TRIM2: variants seen among roughly 807,000 people sequenced by gnomAD.
TRIM2 encodes the protein tripartite motif containing 2, also known as tripartite motif-containing protein 2.
Under a neutral mutation model 75.2 loss-of-function variants are expected in TRIM2, and 20 were observed. The observed-to-expected ratio is 0.27, with a 90% CI of 0.19 to 0.39. The LOEUF (loss-of-function observed/expected upper bound fraction) is 0.39, where lower values mean the gene tolerates loss of function less well. TRIM2 is among the 10% of genes least tolerant of loss of function. TRIM2 has a pLI of 1.00. For synonymous variants in TRIM2, 373 were observed against 388.3 expected (o/e 0.96, Z 0.46); for missense variants, 660 against 990.8 (o/e 0.67, Z 4.48).
intron 1 of TRIM2, among the ~76,000 whole-genome samples, chr4:153,253,827 G>T (rs962651538): frequency 1.3e-5 from 2 of 152,216 alleles, no homozygotes; most frequent in Non-Finnish European, 2.9e-5. Flanking sequence ...CGAGAAAGGG[G>T]AGGCATGAAT....
At chr4:153,198,132 A>T (rs1391519604) in intron 1 of TRIM2, among the ~76,000 whole-genome samples, 1 of 152,224 alleles carries the variant, frequency 6.6e-6, no homozygotes, top group Non-Finnish European at 1.5e-5. Flanking sequence ...TTATTTTAAA[A>T]AAGAAATTAA....
chr4:153,262,470 T>C (rs1019382941), intron 1 of TRIM2, among the ~76,000 whole-genome samples: 3 of 152,214 alleles, frequency 2.0e-5, no homozygotes, highest in Non-Finnish European at 2.9e-5. Context: ...GAATACAGGG[T>C]CTGAAAAATA....
intron 1 of TRIM2, chr4:153,156,707 C>T (rs1352665623): frequency 6.6e-6 from 1 of 152,282 alleles, no homozygotes; most frequent in Non-Finnish European, 1.5e-5. Flanking sequence ...TCTTGAATTT[C>T]CCTCTAGCCT....
intron 1 of TRIM2, among the ~76,000 whole-genome samples, chr4:153,181,069 TG>T (rs1732009240): frequency 6.6e-6 from 1 of 152,176 alleles, no homozygotes; most frequent in Non-Finnish European, 1.5e-5. Flanking sequence ...GGTGGGTGTT[TG>T]TAATTCCAAT....
chr4:153,241,676 G>A (rs1034937275), intron 1 of TRIM2, among the ~76,000 whole-genome samples: 11 of 152,168 alleles, frequency 7.2e-5, no homozygotes, highest in Admixed American at 7.2e-4. Flanking sequence ...CATTAAGAGC[G>A]CCTCGTTGCT....
At chr4:153,287,777 GT>G (rs991319470) in intron 3 of TRIM2, among the ~76,000 whole-genome samples, 2 of 152,138 alleles carry the variant, frequency 1.3e-5, no homozygotes, top group African/African-American at 4.8e-5. Flanking sequence ...GTTTTATGCA[GT>G]TTTATTTTAT....
chr4:153,284,748 G>A (rs1579332630), intron 3 of TRIM2, among the ~76,000 whole-genome samples: 1 of 152,300 alleles, frequency 6.6e-6, no homozygotes, highest in East Asian at 1.9e-4. Flanking sequence ...CTTCTTTGGA[G>A]AAAGTCTATT....
chr4:153,308,442 T>C lies in TRIM2; in HGVS notation c.1511-7043T>C, dbSNP rs1765506791. On this transcript the variant is annotated intron_variant, in intron 6 of 11. Transcript: ENST00000338700. ...AGATTTTAGCTCAGAAGCATCATACTGAGCAGGTGTCTTTAATAGGCCCAA... is the reference window on the plus strand; with the variant it reads ...AGATTTTAGCTCAGAAGCATCATACCGAGCAGGTGTCTTTAATAGGCCCAA... 5.0e-6 allele frequency: 4 copies of C among 802,346 alleles called. No homozygotes were observed. The South Asian group carries it at 5.3e-5, about 11-fold the overall frequency. The allele number at this position is 802,346 out of a possible 1,614,324, so 49.7% of individuals were successfully genotyped here. A position where few individuals can be genotyped will look rare whatever the true frequency, so the allele number is the denominator to read the frequency against.
chr4:153,329,134 T>C (rs1025002691), intron 11 of TRIM2, among the ~76,000 whole-genome samples: 1 of 152,194 alleles, frequency 6.6e-6, no homozygotes, highest in African/African-American at 2.4e-5. Flanking sequence ...AAAATTACAG[T>C]AATTATTAGA....
chr4:153,314,574 C>A (rs1210009073), intron 6 of TRIM2, among the ~76,000 whole-genome samples: 1 of 149,906 alleles, frequency 6.7e-6, no homozygotes, highest in Non-Finnish European at 1.5e-5. Flanking sequence ...ATCGCAAGAC[C>A]CTGTCTCAAA....
intron 3 of TRIM2, among the ~76,000 whole-genome samples, chr4:153,282,393 C>T (rs527494982): frequency 6.6e-6 from 1 of 151,764 alleles, no homozygotes; most frequent in South Asian, 2.1e-4. Flanking sequence ...AAGCTGAGAT[C>T]AATTTTTGTT....
intron 2 of TRIM2, among the ~76,000 whole-genome samples, chr4:153,273,540 G>A (rs990859396): frequency 1.5e-5 from 2 of 136,096 alleles, no homozygotes; most frequent in Non-Finnish European, 3.0e-5. Flanking sequence ...TGATCCACCC[G>A]CCTTGGCCTC....
intron 1 of TRIM2, among the ~76,000 whole-genome samples, chr4:153,223,978 T>G (rs1189995534): frequency 6.6e-6 from 1 of 152,178 alleles, no homozygotes; most frequent in East Asian, 1.9e-4. Flanking sequence ...TACATCAATA[T>G]TTTTAGAATG....
At chr4:153,259,125 C>T (rs563743935) in intron 1 of TRIM2, among the ~76,000 whole-genome samples, 10 of 152,284 alleles carry the variant, frequency 6.6e-5, no homozygotes, top group South Asian at 2.1e-4. Flanking sequence ...TCTGATAGAA[C>T]GTGCTGTTTC....
intron 11 of TRIM2, among the ~76,000 whole-genome samples, chr4:153,331,526 CTG>C (rs1434592747): frequency 6.6e-6 from 1 of 152,138 alleles, no homozygotes; most frequent in Non-Finnish European, 1.5e-5. Context: ...GGAGAAACAA[CTG>C]TGTTCATGGA....
chr4:153,244,322 T>C lies in TRIM2; in HGVS notation c.31-26013T>C, dbSNP rs866955167. ...CCTCCTCCTCCTCCTCCTCCTCCTC[T>C]TCTTCTTCTTCTTCTTCTTCTTCTT... On this transcript the variant is annotated intron_variant, in intron 1 of 11. Coordinates refer to ENST00000338700, the MANE Select transcript of TRIM2 (RefSeq NM_015271.5). Among the ~76,000 whole-genome samples the C allele has an allele frequency of 9.3e-3, 146 of 15,724 alleles. 6 individuals are homozygous for C. Among genetic ancestry groups the C allele is most frequent in the South Asian group, 0.012 (3 of 248 alleles). 10.3% of individuals were successfully genotyped at this position (15,724 alleles called of 152,430 possible).
At chr4:153,207,530 A>G (rs1287951615) in intron 1 of TRIM2, among the ~76,000 whole-genome samples, 1 of 152,240 alleles carries the variant, frequency 6.6e-6, no homozygotes, top group African/African-American at 2.4e-5. Flanking sequence ...GTCATGCATC[A>G]AAGTTCCTTA....
At position 153,280,102 on chromosome 4, in the gene TRIM2, T is replaced by C. The variant is rs1025431171; in HGVS notation, c.453+3972T>C. On this transcript the variant is annotated intron_variant, in intron 3 of 11. Coordinates refer to ENST00000338700, the MANE Select transcript of TRIM2 (RefSeq NM_015271.5). The stretch of plus-strand genomic sequence containing the variant: ...CCCCACCCACCCCCCAAAAAAAGAA[T>C]TCAACTCAAGTTAGAAAAAGAGTAA... Among the ~76,000 whole-genome samples, 3 of 28,478 alleles carry C rather than the reference T, an allele frequency of 1.1e-4. No homozygotes were observed. The Admixed American group carries it at 1.5e-3, about 14-fold the overall frequency. The allele number at this position is 28,478 out of a possible 152,430, so 18.7% of individuals were successfully genotyped here.
intron 1 of TRIM2, among the ~76,000 whole-genome samples, chr4:153,180,556 C>A (rs1731946966): frequency 1.3e-5 from 2 of 152,252 alleles, no homozygotes; most frequent in African/African-American, 4.8e-5. Context: ...TGGCTCACTG[C>A]AAACTCCACC....
Sources: allele counts gnomAD v4.1 joint callset (sites outside exome capture counted in the v4.1 genomes callset), GRCh38; gene constraint gnomAD v4.1.1; transcripts MANE v1.5; gene names NCBI Gene and HGNC (gene_info 2026-07-23, HGNC 2026-07-21).